Variants in SUSD6 observed in about 807,000 individuals in gnomAD.
SUSD6 encodes the protein sushi domain containing 6, also known as sushi domain-containing protein 6.
Under a neutral mutation model 28.4 loss-of-function variants are expected in SUSD6, and 16 were observed. The observed-to-expected ratio is 0.56, with a 90% CI of 0.38 to 0.86. The LOEUF (loss-of-function observed/expected upper bound fraction) is 0.86. Among genes scored for constraint, SUSD6 ranks in the 40% least tolerant of loss-of-function variants. SUSD6 has a pLI of 0.00. For missense variants in SUSD6, 341 were observed against 384.2 expected, an observed-to-expected ratio of 0.89 and a Z score of 0.94; for synonymous variants, 147 against 159.6, an observed-to-expected ratio of 0.92 and a Z score of 0.59.
intron 1 of SUSD6, among the ~76,000 whole-genome samples, chr14:69,657,563 A>G (rs1216106073): frequency 6.6e-6 from 1 of 152,188 alleles, no homozygotes; most frequent in African/African-American, 2.4e-5. Flanking sequence ...ATAAAGCCTT[A>G]TTAATGGAGA....
intron 1 of SUSD6, among the ~76,000 whole-genome samples, 195 bp downstream of exon 1, chr14:69,612,023 A>G (rs1255304580): frequency 6.7e-6 from 1 of 148,806 alleles, no homozygotes; most frequent in Non-Finnish European, 1.5e-5. Flanking sequence ...CGCCGCTGGG[A>G]GCCCCGCGCT....
intron 1 of SUSD6, among the ~76,000 whole-genome samples, chr14:69,629,836 T>C (rs1885168213): frequency 6.6e-6 from 1 of 152,054 alleles, no homozygotes; most frequent in South Asian, 2.1e-4. Context: ...TATATGAAAA[T>C]GATGGAGGCA....
intron 1 of SUSD6, among the ~76,000 whole-genome samples, chr14:69,623,354 A>C (rs533363035): frequency 1.3e-5 from 2 of 152,218 alleles, no homozygotes; most frequent in African/African-American, 2.4e-5. Flanking sequence ...CATTGTAGCC[A>C]TGGTAAGGTC....
chr14:69,649,430 A>C (rs374799331), intron 1 of SUSD6, among the ~76,000 whole-genome samples: 1 of 152,274 alleles, frequency 6.6e-6, no homozygotes, highest in Non-Finnish European at 1.5e-5. Flanking sequence ...TCTAGGGTCT[A>C]GGAACCAATT....
chr14:69,689,731 T>C (rs933864206), intron 2 of SUSD6, among the ~76,000 whole-genome samples: 8 of 152,244 alleles, frequency 5.3e-5, no homozygotes, highest in Non-Finnish European at 1.2e-4. Flanking sequence ...AGTGGCATGA[T>C]GTCCACTTAC....
intron 2 of SUSD6, among the ~76,000 whole-genome samples, chr14:69,685,158 G>A (rs1011386090): frequency 3.3e-5 from 5 of 152,180 alleles, no homozygotes; most frequent in African/African-American, 4.8e-5. Flanking sequence ...GTTCAGAATC[G>A]GTTGCCTTGC....
At chr14:69,666,188 C>A (rs1885736645) in intron 2 of SUSD6, among the ~76,000 whole-genome samples, 1 of 152,184 alleles carries the variant, frequency 6.6e-6, no homozygotes, top group South Asian at 2.1e-4. Flanking sequence ...TTCTGAGTCC[C>A]TAAATTCTCA....
At chr14:69,643,324 C>T (rs1208338013) in intron 1 of SUSD6, among the ~76,000 whole-genome samples, 2 of 152,166 alleles carry the variant, frequency 1.3e-5, no homozygotes, top group Non-Finnish European at 2.9e-5. Flanking sequence ...ATCATTTAGA[C>T]AAATCTTATG....
At chr14:69,670,688 A>G (rs1184334619) in intron 2 of SUSD6, among the ~76,000 whole-genome samples, 2 of 152,280 alleles carry the variant, frequency 1.3e-5, no homozygotes, top group Non-Finnish European at 2.9e-5. Flanking sequence ...GATAACGTAC[A>G]TACCATATAG....
intron 2 of SUSD6, among the ~76,000 whole-genome samples, chr14:69,682,623 C>G (rs1228934161): frequency 6.6e-6 from 1 of 152,158 alleles, no homozygotes; most frequent in Non-Finnish European, 1.5e-5. Context: ...TTTTAAAGAG[C>G]AAGGGCTCTG....
At chr14:69,658,758 A>G (rs1032256510) in intron 2 of SUSD6, 45 bp downstream of exon 2, 3 of 1,612,658 alleles carry the variant, frequency 1.9e-6, no homozygotes, top group Non-Finnish European at 2.5e-6. Flanking sequence ...AAAATATTTA[A>G]TACCATTGTT....
At chr14:69,627,922 C>A (rs76844702) in intron 1 of SUSD6, among the ~76,000 whole-genome samples, 2,441 of 149,510 alleles carry the variant, frequency 0.016, 68 homozygotes, top group African/African-American at 0.057. Context: ...CTATCCCTTG[C>A]TCTTACCCAA....
intron 2 of SUSD6, among the ~76,000 whole-genome samples, chr14:69,665,456 T>C (rs1222389382): frequency 1.3e-5 from 2 of 152,232 alleles, no homozygotes; most frequent in Non-Finnish European, 2.9e-5. Flanking sequence ...TTTGCTGGGT[T>C]TGCCCAGGCT....
chr14:69,670,368 G>T, intron 2 of SUSD6: 1 of 440,256 alleles, frequency 2.3e-6, no homozygotes, highest in South Asian at 1.6e-5. Flanking sequence ...ACTGAAAATA[G>T]AACAATTCCA....
chr14:69,676,485 T>C (rs1323151072), intron 2 of SUSD6, among the ~76,000 whole-genome samples: 1 of 151,936 alleles, frequency 6.6e-6, no homozygotes, highest in African/African-American at 2.4e-5. Context: ...GCTAAAGCAG[T>C]CTTCCCACCT....
chr14:69,623,178 C>T (rs543614846), intron 1 of SUSD6, among the ~76,000 whole-genome samples: 1 of 152,284 alleles, frequency 6.6e-6, no homozygotes, highest in South Asian at 2.1e-4. Context: ...TCCTCCATCC[C>T]CATCTCGTTA....
chr14:69,681,487 C>T (rs554731114), intron 2 of SUSD6, among the ~76,000 whole-genome samples: 1 of 152,266 alleles, frequency 6.6e-6, no homozygotes, highest in Admixed American at 6.5e-5. Context: ...GGGGCTCCTG[C>T]TTGGAAGACT....
chr14:69,612,900 C>T (rs1450449962), intron 1 of SUSD6, among the ~76,000 whole-genome samples: 1 of 152,198 alleles, frequency 6.6e-6, no homozygotes, highest in Non-Finnish European at 1.5e-5. Context: ...TTTCGTTCCT[C>T]TGGTGTAAAA....
chr14:69,669,925 GAT>G (rs1333409063), intron 2 of SUSD6, among the ~76,000 whole-genome samples: 3 of 152,190 alleles, frequency 2.0e-5, no homozygotes, highest in Non-Finnish European at 4.4e-5. Flanking sequence ...GACTGACTTT[GAT>G]TTGAAAGGAT....
Sources: gnomAD v4.1 joint callset for allele counts (sites outside exome capture counted in the v4.1 genomes callset) on GRCh38, gnomAD v4.1.1 for gene constraint, MANE v1.5 for transcripts, NCBI Gene and HGNC (gene_info 2026-07-23, HGNC 2026-07-21) for gene names.